Variants in MLLT3 observed in about 807,000 individuals in gnomAD.
The protein encoded by MLLT3 is protein AF-9.
Under a neutral mutation model 53.2 loss-of-function variants are expected in MLLT3, and 4 were observed. The observed-to-expected ratio is 0.08, with a 90% CI of 0.04 to 0.17. MLLT3 has a LOEUF of 0.17. Ranked by LOEUF, MLLT3 falls within the 10% of genes least tolerant of loss-of-function variation. The probability of loss-of-function intolerance (pLI) is 1.00; values close to 1 mark genes in which losing one functional copy is unlikely to be tolerated. For synonymous variants in MLLT3, 283 were observed against 230.6 expected (o/e 1.23, Z -2.06); for missense variants, 569 against 684.0 (o/e 0.83, Z 1.87).
intron 5 of MLLT3, among the ~76,000 whole-genome samples, chr9:20,400,515 T>A (rs1056526431): frequency 2.0e-5 from 3 of 152,092 alleles, no homozygotes; most frequent in South Asian, 4.1e-4. Flanking sequence ...TTTAAAAAAG[T>A]CCTTATCTTT....
In MLLT3 at chr9:20,373,918, TCA is replaced by T. The variant is rs528613294; in HGVS notation, c.1126-8176_1126-8175del. Among the ~76,000 whole-genome samples, 13 of 150,392 alleles carry T rather than the reference TCA, an allele frequency of 8.6e-5. No homozygotes were observed. The South Asian group carries it at 1.7e-3, about 19-fold the overall frequency. On this transcript the variant is annotated intron_variant, in intron 5 of 10. Coordinates refer to ENST00000380338, the MANE Select transcript of MLLT3 (RefSeq NM_004529.4). ...GCCTGACTGAAGTATTAGGTTCTTC[TCA>T]CAGTTTTGGTCCTTCTTTCATTAAA...
At chr9:20,530,665 G>A (rs1818308974) in intron 2 of MLLT3, among the ~76,000 whole-genome samples, 1 of 152,176 alleles carries the variant, frequency 6.6e-6, no homozygotes, top group South Asian at 2.1e-4. Context: ...CAAAAGTCCT[G>A]TATAAATTGC....
intron 5 of MLLT3, among the ~76,000 whole-genome samples, chr9:20,397,279 G>A (rs769979663): frequency 1.3e-5 from 2 of 151,924 alleles, no homozygotes; most frequent in Non-Finnish European, 1.5e-5. Context: ...GTACATTATT[G>A]GTTTCTAAAA....
intron 10 of MLLT3, among the ~76,000 whole-genome samples, chr9:20,347,057 G>T: frequency 7.3e-6 from 1 of 137,226 alleles, no homozygotes; most frequent in African/African-American, 2.9e-5. Flanking sequence ...TTAATAATTT[G>T]GAAAATACAG....
chr9:20,560,729 G>A (rs568377400), intron 2 of MLLT3, among the ~76,000 whole-genome samples: 60 of 152,116 alleles, frequency 3.9e-4, no homozygotes, highest in Non-Finnish European at 6.0e-4. Flanking sequence ...ATGCAGAGAG[G>A]ATAGCCTTAC....
chr9:20,502,757 T>C (rs1825279320), intron 2 of MLLT3, among the ~76,000 whole-genome samples: 2 of 152,150 alleles, frequency 1.3e-5, no homozygotes, highest in South Asian at 4.1e-4. Flanking sequence ...CTGGAACCAA[T>C]CCCCTGCAGA....
chr9:20,516,126 C>T (rs1817910663), intron 2 of MLLT3, among the ~76,000 whole-genome samples: 1 of 152,184 alleles, frequency 6.6e-6, no homozygotes, highest in Non-Finnish European at 1.5e-5. Context: ...AACACCAGCA[C>T]TGCCTCAGAT....
chr9:20,577,362 G>C (rs1017678784), intron 2 of MLLT3, among the ~76,000 whole-genome samples: 6 of 152,096 alleles, frequency 3.9e-5, no homozygotes, highest in Non-Finnish European at 5.9e-5. Context: ...ACATAATAAA[G>C]TTTGATCCAG....
intron 4 of MLLT3, among the ~76,000 whole-genome samples, chr9:20,423,852 C>T (rs1823077708): frequency 6.6e-6 from 1 of 151,672 alleles, no homozygotes; most frequent in Non-Finnish European, 1.5e-5. Context: ...TCCACAGCTA[C>T]TCGCGAGGGG....
intron 2 of MLLT3, among the ~76,000 whole-genome samples, chr9:20,554,989 T>C (rs1014578815): frequency 6.6e-6 from 1 of 152,242 alleles, no homozygotes; most frequent in Non-Finnish European, 1.5e-5. Flanking sequence ...AATTTTAATC[T>C]TAATTTTAAT....
chr9:20,598,752 G>A (rs1820339059), intron 2 of MLLT3, among the ~76,000 whole-genome samples: 1 of 152,208 alleles, frequency 6.6e-6, no homozygotes, highest in African/African-American at 2.4e-5. Context: ...AGCTATTTAA[G>A]TGAAACCAAA....
At chr9:20,464,905 T>G (rs1210401246) in intron 2 of MLLT3, among the ~76,000 whole-genome samples, 1 of 152,170 alleles carries the variant, frequency 6.6e-6, no homozygotes, top group Non-Finnish European at 1.5e-5. Flanking sequence ...CTGGCTCTTA[T>G]AATTTCATGA....
intron 5 of MLLT3, among the ~76,000 whole-genome samples, chr9:20,369,956 T>A (rs1821554069): frequency 6.6e-6 from 1 of 152,218 alleles, no homozygotes; most frequent in African/African-American, 2.4e-5. Context: ...AGAAGTCCAA[T>A]GAGGTTCTGA....
chr9:20,423,464 C>T (rs1316764893), intron 4 of MLLT3, among the ~76,000 whole-genome samples: 1 of 152,004 alleles, frequency 6.6e-6, no homozygotes, highest in Admixed American at 6.6e-5. Context: ...GCCCCCCTGG[C>T]CCCCCATATC....
intron 2 of MLLT3, among the ~76,000 whole-genome samples, chr9:20,561,174 C>A (rs533201697): frequency 6.6e-6 from 1 of 152,170 alleles, no homozygotes; most frequent in South Asian, 2.1e-4. Context: ...CATTTTATTT[C>A]TCTAGTTAAC....
chr9:20,565,968 TTATA>T (rs373749428), intron 2 of MLLT3, among the ~76,000 whole-genome samples: 8 of 32,786 alleles, frequency 2.4e-4, no homozygotes, highest in South Asian at 1.0e-3. Flanking sequence ...ATATATATAT[TTATA>T]TATATATATA....
intron 4 of MLLT3, among the ~76,000 whole-genome samples, chr9:20,439,420 T>C (rs917111821): frequency 2.2e-5 from 3 of 138,594 alleles, no homozygotes; most frequent in African/African-American, 8.5e-5. Context: ...ATCTATGGAC[T>C]AAACAGTCAT....
chr9:20,447,617 A>G (rs1377085942), intron 4 of MLLT3, among the ~76,000 whole-genome samples: 1 of 152,230 alleles, frequency 6.6e-6, no homozygotes, highest in African/African-American at 2.4e-5. Flanking sequence ...TAAAAAGGAA[A>G]ATCCATCTTT....
chr9:20,513,355 G>A (rs1817810962), intron 2 of MLLT3, among the ~76,000 whole-genome samples: 1 of 152,192 alleles, frequency 6.6e-6, no homozygotes, highest in Admixed American at 6.5e-5. Context: ...AGACACAGAG[G>A]AGGAAATACA....
Sources: allele counts gnomAD v4.1 joint callset (sites outside exome capture counted in the v4.1 genomes callset), GRCh38; gene constraint gnomAD v4.1.1; transcripts MANE v1.5; gene names NCBI Gene and HGNC (gene_info 2026-07-23, HGNC 2026-07-21).